CELSR1: variants seen among roughly 807,000 people sequenced by gnomAD.
CELSR1 encodes adhesion G protein-coupled receptor C1.
CELSR1 carries 110 observed loss-of-function variants against 249.1 expected under a neutral mutation model. The ratio of observed to expected loss-of-function variants is 0.44; its 90% CI spans 0.38 to 0.52. CELSR1 has a LOEUF of 0.52. Ranked by LOEUF, CELSR1 falls within the 20% of genes least tolerant of loss-of-function variation. The probability of loss-of-function intolerance (pLI) is 0.00; values close to 1 mark genes in which losing one functional copy is unlikely to be tolerated. For missense variants in CELSR1, 4,109 were observed against 4,296.4 expected, an observed-to-expected ratio of 0.96 and a Z score of 1.22; for synonymous variants, 2,113 against 1,900.0, an observed-to-expected ratio of 1.11 and a Z score of -2.92.
chr22:46,482,503 A>ACTCCT (rs1228059926), intron 1 of CELSR1, among the ~76,000 whole-genome samples: 2 of 152,136 alleles, frequency 1.3e-5, no homozygotes, highest in Admixed American at 1.3e-4. Context: ...ACCCAGTTTT[A>ACTCCT]CTGATGAGGA....
intron 33 of CELSR1, 37 bp downstream of exon 33, chr22:46,364,475 T>A: frequency 3.2e-6 from 5 of 1,584,178 alleles, no homozygotes; most frequent in Non-Finnish European, 4.3e-6. Flanking sequence ...TTCTGGGTCC[T>A]CCAGCCTTTC....
chr22:46,483,626 C>T (rs5768816), intron 1 of CELSR1, among the ~76,000 whole-genome samples: 129,519 of 152,056 alleles, frequency 0.85, 55,580 homozygotes, highest in East Asian at 1. Flanking sequence ...GCAAGAGCTA[C>T]GTAAGTCTTT....
rs753682607 is a variant in CELSR1, at chr22:46,488,406, G to A, written c.3545-24061C>T. Among the ~76,000 whole-genome samples the A allele has an allele frequency of 1.3e-5, 2 of 152,158 alleles. No individual in the cohort carries two copies. The highest frequency in any genetic ancestry group is 2.9e-5 in the Non-Finnish European group (2 of 68,008). ...TTCCCTGCTCGCCTACAGCCGGCGAGTGCAGCACAGGAGGCCACCGTAGTG... is the reference window on the plus strand; with the variant it reads ...TTCCCTGCTCGCCTACAGCCGGCGAATGCAGCACAGGAGGCCACCGTAGTG... On this transcript the variant is annotated intron_variant, in intron 1 of 34. Coordinates refer to ENST00000674500, the MANE Select transcript of CELSR1 (RefSeq NM_001378328.1). This position sits in a 1 kb window ranked among gnomAD's most constrained non-coding sequence, Gnocchi z 4.7.
chr22:46,475,913 G>A (rs1485135988), intron 1 of CELSR1, among the ~76,000 whole-genome samples: 1 of 152,062 alleles, frequency 6.6e-6, no homozygotes, highest in African/African-American at 2.4e-5. Flanking sequence ...TCTGCTTGAT[G>A]GAACCTTCTG....
chr22:46,365,198 C>T (rs1179419001), intron 32 of CELSR1, 33 bp downstream of exon 32: 17 of 1,602,446 alleles, frequency 1.1e-5, no homozygotes, highest in Non-Finnish European at 1.4e-5. Context: ...CTGTCCACAG[C>T]CCAGCCTGGC....
intron 2 of CELSR1, among the ~76,000 whole-genome samples, chr22:46,456,661 T>TAAAAAA (rs556357746): frequency 6.6e-5 from 4 of 60,270 alleles, no homozygotes; most frequent in African/African-American, 2.3e-4. Flanking sequence ...AGACTCTGTC[T>TAAAAAA]AAAAAAAAAA....
At chr22:46,450,336 G>T (rs1030476990) in intron 2 of CELSR1, among the ~76,000 whole-genome samples, 4 of 152,268 alleles carry the variant, frequency 2.6e-5, no homozygotes, top group Non-Finnish European at 2.9e-5. Context: ...TAGAGATGGA[G>T]GGACAGACAG....
chr22:46,424,992 C>A (rs1602117829), intron 5 of CELSR1, among the ~76,000 whole-genome samples: 1 of 152,216 alleles, frequency 6.6e-6, no homozygotes, highest in East Asian at 1.9e-4. Context: ...AACAAAAAAA[C>A]ACAATGTCAT....
intron 5 of CELSR1, among the ~76,000 whole-genome samples, chr22:46,415,349 C>T (rs1490929021): frequency 6.6e-6 from 1 of 152,002 alleles, no homozygotes; most frequent in African/African-American, 2.4e-5. Flanking sequence ...GGGGTTTCAC[C>T]ATGATGGCCA....
rs1005584719 is a variant in CELSR1, at chr22:46,488,138, C to T, written c.3545-23793G>A. On this transcript the variant is annotated intron_variant, in intron 1 of 34. Transcript: ENST00000674500. The surrounding 1 kb of genome is among the most constrained non-coding windows in gnomAD (Gnocchi z 4.7). Reference sequence around the variant, plus strand: ...CCTGCACCTCAGTTTCAGGGGAGGGCTCTGCAGGCTGACAGCAGCTGGGTG... The same window carrying T: ...CCTGCACCTCAGTTTCAGGGGAGGGTTCTGCAGGCTGACAGCAGCTGGGTG... Among the ~76,000 whole-genome samples the T allele has an allele frequency of 4.6e-5, 7 of 151,870 alleles. No homozygotes were observed. The highest frequency in any genetic ancestry group is 7.4e-5 in the Non-Finnish European group (5 of 67,920).
intron 1 of CELSR1, among the ~76,000 whole-genome samples, chr22:46,466,883 T>A (rs2080102214): frequency 6.6e-6 from 1 of 152,086 alleles, no homozygotes; most frequent in Non-Finnish European, 1.5e-5. Context: ...ACCAGGGGAT[T>A]TGCATCCTCA....
In CELSR1 at chr22:46,482,709, G is replaced by A. The variant is rs74589292; in HGVS notation, c.3545-18364C>T. On this transcript the variant is annotated intron_variant, in intron 1 of 34. Transcript: ENST00000674500. ...AGCCTGGGTGAAAGAACAAAATCCC[G>A]CCTCAAAAAAAAAAGAAAATTATCT... Among the ~76,000 whole-genome samples, 1,494 of 151,664 alleles carry A rather than the reference G, an allele frequency of 9.9e-3. 35 individuals carry two copies. Among genetic ancestry groups the A allele is most frequent in the African/African-American group, 0.034 (1,424 of 41,364 alleles).
intron 20 of CELSR1, among the ~76,000 whole-genome samples, chr22:46,382,336 G>A (rs2147221469): frequency 6.6e-6 from 1 of 152,162 alleles, no homozygotes; most frequent in South Asian, 2.1e-4. Context: ...GGAGTGCAGT[G>A]GCGCCATCTC....
At chr22:46,442,948 A>AT (rs1218251937) in intron 2 of CELSR1, among the ~76,000 whole-genome samples, 3 of 151,424 alleles carry the variant, frequency 2.0e-5, no homozygotes, top group Non-Finnish European at 2.9e-5. Context: ...AAAAAAAAAA[A>AT]TTAACCGGGT....
chr22:46,416,637 T>C (rs909992575), intron 5 of CELSR1, among the ~76,000 whole-genome samples: 5 of 152,186 alleles, frequency 3.3e-5, no homozygotes, highest in African/African-American at 1.2e-4. Context: ...TGCAGCCACC[T>C]GAGAAAAAAC....
At chr22:46,514,450 C>T (rs1316463215) in intron 1 of CELSR1, among the ~76,000 whole-genome samples, 1 of 152,174 alleles carries the variant, frequency 6.6e-6, no homozygotes, top group Non-Finnish European at 1.5e-5. Context: ...ACTCTGATCC[C>T]CGGGGGCCCA....
At position 46,526,162 on chromosome 22, in the gene CELSR1, C is replaced by T. The variant is rs571735120; in HGVS notation, c.3544+7465G>A. Among the ~76,000 whole-genome samples the T allele has an allele frequency of 6.6e-6, 1 of 152,170 alleles. No individual in the cohort carries two copies. The highest frequency in any genetic ancestry group is 1.5e-5 in the Non-Finnish European group (1 of 68,032). On this transcript the variant is annotated intron_variant, in intron 1 of 34. Coordinates refer to ENST00000674500, the MANE Select transcript of CELSR1 (RefSeq NM_001378328.1). The surrounding 1 kb of genome is among the most constrained non-coding windows in gnomAD (Gnocchi z 4.7). ...TCCATTCTCCCAGGCCCCTTTTTCC[C>T]GTCCGCCTCCTGCTCCTCCATTCCC...
intron 2 of CELSR1, among the ~76,000 whole-genome samples, chr22:46,455,772 A>G (rs1360528860): frequency 2.0e-5 from 3 of 152,242 alleles, no homozygotes; most frequent in Non-Finnish European, 4.4e-5. Flanking sequence ...AATTCTGTTT[A>G]TCAAAAGCCC....
rs1361174767 is a variant in CELSR1, at chr22:46,391,605, C to A, written c.6148+28G>T. ...CAGCAGCCTGTCCCCGCGCTGTAAC[C>A]TGCAGGGTGTCGAGGGGCAACGCGG... is the stretch of plus-strand genomic sequence containing the variant. On this transcript the variant is annotated intron_variant, in intron 15 of 34. Coordinates refer to ENST00000674500, the MANE Select transcript of CELSR1 (RefSeq NM_001378328.1). The surrounding 1 kb of genome is among the most constrained non-coding windows in gnomAD (Gnocchi z 4.3). 3 of 1,563,958 alleles carry A rather than the reference C, an allele frequency of 1.9e-6. No homozygotes were observed. The highest frequency in any genetic ancestry group is 1.4e-5 in the African/African-American group (1 of 73,680).
Sources: allele counts gnomAD v4.1 joint callset (sites outside exome capture counted in the v4.1 genomes callset), GRCh38; gene constraint gnomAD v4.1.1; non-coding constraint Gnocchi (gnomAD v3.1); transcripts MANE v1.5; gene names NCBI Gene and HGNC (gene_info 2026-07-23, HGNC 2026-07-21).